The following NWD1 variants were observed in gnomAD, a reference collection of about 807,000 sequenced individuals.
The protein encoded by NWD1 is NACHT domain- and WD repeat-containing protein 1.
NWD1 carries 129 observed loss-of-function variants against 135.1 expected under a neutral mutation model. The observed-to-expected ratio is 0.96, with a 90% CI of 0.83 to 1.11. The LOEUF is 1.11. NWD1 is among the 50% of genes least tolerant of loss of function. The pLI, the probability that NWD1 is intolerant of heterozygous loss-of-function variation, is 0.00. For synonymous variants in NWD1, 773 were observed against 786.0 expected, an observed-to-expected ratio of 0.98 and a Z score of 0.28; for missense variants, 1,740 against 1,851.3, an observed-to-expected ratio of 0.94 and a Z score of 1.10.
At chr19:16,738,696 G>A (rs1056762054) in intron 4 of NWD1, among the ~76,000 whole-genome samples, 3 of 144,936 alleles carry the variant, frequency 2.1e-5, no homozygotes, top group Non-Finnish European at 4.5e-5. Flanking sequence ...GGAATTATGA[G>A]CCAGGAATAA....
intron 3 of NWD1, among the ~76,000 whole-genome samples, chr19:16,735,520 A>AG (rs972576062): frequency 3.0e-4 from 46 of 151,446 alleles, no homozygotes; most frequent in Non-Finnish European, 5.3e-4. Flanking sequence ...ACCAAAAAAA[A>AG]AAAGAAAGAA....
chr19:16,730,515 G>A (rs73521205), intron 2 of NWD1, among the ~76,000 whole-genome samples: 7,654 of 151,838 alleles, frequency 0.05, 635 homozygotes, highest in African/African-American at 0.17. Flanking sequence ...GGAGTCTGAG[G>A]CCAGCCTAGA....
At chr19:16,770,952 G>A (rs1460633031) in intron 10 of NWD1, among the ~76,000 whole-genome samples, 1 of 151,986 alleles carries the variant, frequency 6.6e-6, no homozygotes, top group South Asian at 2.1e-4. Context: ...ATCTGCCATA[G>A]CCCCAGCTCC....
intron 5 of NWD1, among the ~76,000 whole-genome samples, chr19:16,746,507 T>C (rs1968322328): frequency 6.6e-6 from 1 of 151,312 alleles, no homozygotes. Flanking sequence ...ACTCTGTCTC[T>C]ACTAAAATTA....
intron 1 of NWD1, among the ~76,000 whole-genome samples, chr19:16,723,580 G>A (rs1374069456): frequency 3.3e-5 from 5 of 152,146 alleles, no homozygotes; most frequent in African/African-American, 7.2e-5. Flanking sequence ...TCAAAGTGCC[G>A]AGATTACAGG....
At chr19:16,751,754 T>C (rs1457078379) in intron 6 of NWD1, among the ~76,000 whole-genome samples, 2 of 144,090 alleles carry the variant, frequency 1.4e-5, no homozygotes, top group Admixed American at 7.3e-5. Flanking sequence ...TGAGCTGAGA[T>C]AGTGCCACTG....
chr19:16,807,305 C>CAG (rs1970778096), intron 17 of NWD1, among the ~76,000 whole-genome samples: 1 of 151,886 alleles, frequency 6.6e-6, no homozygotes, highest in Non-Finnish European at 1.5e-5. Flanking sequence ...ACCAGCCTGG[C>CAG]CAACATGGAG....
rs768918294 is a variant in NWD1, at chr19:16,815,297, A to C, written c.*258A>C. ...TGCCCAGGGAAATGAAACCAAATCA[A>C]ACAAATGCTCACAAGTGTGCCTGAT... On this transcript the variant is annotated 3_prime_UTR_variant, in exon 19 of 19. Transcript: ENST00000524140. 7 of 780,938 alleles carry C rather than the reference A, an allele frequency of 9.0e-6. No homozygotes were observed. The South Asian group carries it at 9.4e-5, about 10-fold the overall frequency. The allele number at this position is 780,938 out of a possible 1,614,324, so 48.4% of individuals were successfully genotyped here.
Position 16,749,499 on chromosome 19 carries a change from C to T in NWD1, c.857C>T (p.Thr286Met), listed in dbSNP as rs375674809. 2.4e-5 allele frequency: 39 copies of T among 1,610,796 alleles called. No homozygotes were observed. The Admixed American group carries it at 2.7e-4, about 11-fold the overall frequency. The change falls in exon 6 of 19, where the codon ACG becomes ATG. Residue 286 changes from threonine to methionine, a missense_variant. By Grantham distance (81) the Thr-to-Met change is moderately conservative (BLOSUM62 -1). Transcript: ENST00000524140. ...QVLTRLRELD[T>M]AGQELAWLYQ... ...CTCACACGCCTCCGTGAGCTGGATACGGCCGGACAGGAGTTGGCGTGGCTC... is the reference window on the plus strand; with the variant it reads ...CTCACACGCCTCCGTGAGCTGGATATGGCCGGACAGGAGTTGGCGTGGCTC...
At chr19:16,741,610 C>G (rs947135890) in intron 4 of NWD1, among the ~76,000 whole-genome samples, 1 of 151,744 alleles carries the variant, frequency 6.6e-6, no homozygotes, top group Non-Finnish European at 1.5e-5. Context: ...CTCAGGTGAT[C>G]CACCTGCCTC....
At chr19:16,768,389 G>A (rs10407544) in intron 10 of NWD1, among the ~76,000 whole-genome samples, 6,858 of 151,910 alleles carry the variant, frequency 0.045, 187 homozygotes, top group African/African-American at 0.081. Context: ...TTGTTTATCC[G>A]TTCATCTGTC....
chr19:16,769,950 A>G (rs935328607), intron 10 of NWD1, among the ~76,000 whole-genome samples: 4 of 151,800 alleles, frequency 2.6e-5, no homozygotes, highest in Non-Finnish European at 5.9e-5. Flanking sequence ...TGGTCCTCTC[A>G]CCTCAGCCTC....
rs1970151692 is a variant in NWD1 at position 16,789,026 on chromosome 19, A to G, written c.2776A>G (p.Asn926Asp). The change falls in exon 13 of 19, where the codon AAC (asparagine) becomes GAC (aspartate). Residue 926 changes from asparagine to aspartate, a missense_variant. Asn to Asp is a conservative substitution (Grantham distance 23). Transcript: ENST00000524140. Reference protein sequence around the residue: ...VKIFAKGTLANSASKDYTLHL... With the variant: ...VKIFAKGTLADSASKDYTLHL... ...AATATTTGCCAAAGGGACCCTCGCC[A>G]ACTCTGCTTCAAAGGATTACACGCT... 6.2e-7 allele frequency: 1 copy of G among 1,612,708 alleles called. No homozygotes were observed.
In NWD1 at chr19:16,794,457, G is replaced by T; in HGVS notation, c.3214-6G>T. Reference sequence around the variant, plus strand: ...GTGCCTGACAGGCATCCCTGGTTCTGCACAGGTTTCCTCCAAAGGGGACAG... The same window carrying T: ...GTGCCTGACAGGCATCCCTGGTTCTTCACAGGTTTCCTCCAAAGGGGACAG... On this transcript the variant is annotated splice_polypyrimidine_tract_variant and splice_region_variant and intron_variant, in intron 14 of 18. Transcript: ENST00000524140. The T allele has an allele frequency of 3.1e-6, 5 of 1,595,134 alleles. No individual in the cohort carries two copies. The highest frequency in any genetic ancestry group is 4.3e-6 in the Non-Finnish European group (5 of 1,163,904).
chr19:16,740,611 T>C (rs1968038353), intron 4 of NWD1, among the ~76,000 whole-genome samples: 1 of 151,346 alleles, frequency 6.6e-6, no homozygotes, highest in Non-Finnish European at 1.5e-5. Context: ...GTGCTGGGAT[T>C]ACAGGCGTGA....
intron 7 of NWD1, among the ~76,000 whole-genome samples, chr19:16,761,173 C>T (rs1968995871): frequency 1.3e-5 from 2 of 152,176 alleles, no homozygotes; most frequent in Admixed American, 6.6e-5. Flanking sequence ...GGCTCATCCA[C>T]ATTGTAGCAG....
rs1250200391 is a variant in NWD1, at chr19:16,815,625, G to C, written c.*586G>C. The C allele has an allele frequency of 7.0e-5, 24 of 343,056 alleles. No individual in the cohort carries two copies. The South Asian group carries it at 8.4e-4, about 12-fold the overall frequency. The allele number at this position is 343,056 out of a possible 1,614,324, so 21.3% of individuals were successfully genotyped here. On this transcript the variant is annotated 3_prime_UTR_variant, in exon 19 of 19. Coordinates refer to ENST00000524140, the MANE Select transcript of NWD1 (RefSeq NM_001007525.5). ...AACAGTCCTAGCCTCAACTCTACTGGTCCCAATTGGCCCATACGCCTAGCC... is the reference window on the plus strand; with the variant it reads ...AACAGTCCTAGCCTCAACTCTACTGCTCCCAATTGGCCCATACGCCTAGCC...
At chr19:16,785,769 AAC>A (rs201191025) in intron 12 of NWD1, among the ~76,000 whole-genome samples, 6,889 of 148,484 alleles carry the variant, frequency 0.046, 210 homozygotes, top group African/African-American at 0.089. Flanking sequence ...TATATACAAA[AAC>A]AAATATATAC....
intron 12 of NWD1, among the ~76,000 whole-genome samples, chr19:16,781,619 A>C (rs1209846121): frequency 6.6e-6 from 1 of 152,130 alleles, no homozygotes; most frequent in Non-Finnish European, 1.5e-5. Flanking sequence ...CTATCTCAAA[A>C]AAAAAAGCAA....
Sources: gnomAD v4.1 joint callset for allele counts (sites outside exome capture counted in the v4.1 genomes callset) on GRCh38, gnomAD v4.1.1 for gene constraint, MANE v1.5 for transcripts, NCBI Gene and HGNC (gene_info 2026-07-23, HGNC 2026-07-21) for gene names.